CCDC146: variants seen among roughly 807,000 people sequenced by gnomAD.
CCDC146 encodes the protein coiled-coil domain-containing protein 146.
CCDC146 carries 92 observed loss-of-function variants against 119.3 expected under a neutral mutation model. The ratio of observed to expected loss-of-function variants is 0.77; its 90% CI spans 0.65 to 0.92. CCDC146 has a LOEUF of 0.92. CCDC146 is among the 40% of genes least tolerant of loss of function. The pLI is 0.00. For missense variants in CCDC146, 1,000 were observed against 1,103.0 expected (o/e 0.91, Z 1.32); for synonymous variants, 372 against 371.8 (o/e 1.00, Z -0.01).
chr7:77,176,988 A>G (rs1469436637), intron 2 of CCDC146, among the ~76,000 whole-genome samples: 1 of 151,876 alleles, frequency 6.6e-6, no homozygotes, highest in African/African-American at 2.4e-5. Flanking sequence ...GACACATAAC[A>G]CCAGGCCTGG....
At position 77,196,933 on chromosome 7, in the gene CCDC146, T is replaced by A. The variant is rs147689299; in HGVS notation, c.156+29109T>A. 2.4e-5 allele frequency: 38 copies of A among 1,613,552 alleles called. No individual in the cohort carries two copies. The highest frequency in any genetic ancestry group is 1.6e-4 in the Middle Eastern group (1 of 6,082). On this transcript the variant is annotated intron_variant, in intron 2 of 18. Transcript: ENST00000285871. The surrounding 1 kb of genome is among the most constrained non-coding windows in gnomAD (Gnocchi z 4.2). Reference sequence around the variant, plus strand: ...GTGTAACTCTGTAGGTCTCACTGCTTCTTTTGCCTATTGCGTAGTAGTCAG... The same window carrying A: ...GTGTAACTCTGTAGGTCTCACTGCTACTTTTGCCTATTGCGTAGTAGTCAG...
At chr7:77,232,818 T>C (rs986748927) in intron 2 of CCDC146, among the ~76,000 whole-genome samples, 1 of 152,134 alleles carries the variant, frequency 6.6e-6, no homozygotes, top group Non-Finnish European at 1.5e-5. Flanking sequence ...GATCTTCACC[T>C]GGGATAGATC....
intron 2 of CCDC146, among the ~76,000 whole-genome samples, chr7:77,203,036 C>T (rs879531726): frequency 2.1e-5 from 3 of 143,324 alleles, no homozygotes; most frequent in Non-Finnish European, 4.6e-5. Flanking sequence ...TACTTGCCCC[C>T]CCCCCCCCCA....
rs113655545 is a variant in CCDC146 at position 77,261,699 on chromosome 7, G to T, written c.987-422G>T. 5.3e-5 allele frequency among the ~76,000 whole-genome samples: 8 copies of T among 151,806 alleles called. No homozygotes were observed. The East Asian group carries it at 1.5e-3, about 29-fold the overall frequency. On this transcript the variant is annotated intron_variant, in intron 8 of 18. Coordinates refer to ENST00000285871, the MANE Select transcript of CCDC146 (RefSeq NM_020879.3). ...TCACCGTGTTAGCCAGGATGGTCTC[G>T]ATCTCCTGACCTCATGATCCACCCA... is the stretch of plus-strand genomic sequence containing the variant.
chr7:77,293,259 CAACCCA>C, intron 18 of CCDC146, 59 bp downstream of exon 18: 3 of 776,618 alleles, frequency 3.9e-6, no homozygotes, highest in African/African-American at 7.0e-5. Flanking sequence ...TGCATTCAGG[CAACCCA>C]CAGTTATCCC....
At chr7:77,252,151 A>T (rs1437073727) in intron 4 of CCDC146, among the ~76,000 whole-genome samples, 2 of 152,182 alleles carry the variant, frequency 1.3e-5, no homozygotes, top group African/African-American at 4.8e-5. Flanking sequence ...TCCATCTCAA[A>T]AACAAACAAA....
chr7:77,230,304 T>G (rs1290838134), intron 2 of CCDC146, among the ~76,000 whole-genome samples: 1 of 152,210 alleles, frequency 6.6e-6, no homozygotes, highest in Non-Finnish European at 1.5e-5. Flanking sequence ...TTGAGTACAC[T>G]CTTTGCTTTT....
chr7:77,167,859 C>T (rs1315303961), intron 2 of CCDC146, 35 bp downstream of exon 2: 1 of 1,600,402 alleles, frequency 6.2e-7, no homozygotes, highest in African/African-American at 1.3e-5. Flanking sequence ...ACAGTAAAAC[C>T]CAACTCAACA....
Position 77,262,217 on chromosome 7 carries a change from T to C in CCDC146, c.1083T>C (p.Phe361=), listed in dbSNP as rs1158802540. ...AGCAAAGAGAGAAAGAACGAGATTT[T>C]CGAAATTTAAGAAAGATGGAACTGC... ...SRKQREKERD[F]RNLRKMELLL... Residue 361 remains phenylalanine (F), a synonymous_variant, in exon 9 of 19, where the codon TTT becomes TTC. Transcript: ENST00000285871. 5 of 1,614,056 alleles carry C rather than the reference T, an allele frequency of 3.1e-6. No individual in the cohort carries two copies. Among genetic ancestry groups the C allele is most frequent in the Non-Finnish European group, 4.2e-6 (5 of 1,180,000 alleles).
At chr7:77,187,938 G>C (rs1251617662) in intron 2 of CCDC146, among the ~76,000 whole-genome samples, 5 of 152,202 alleles carry the variant, frequency 3.3e-5, no homozygotes, top group Admixed American at 3.3e-4. Context: ...AACAATAGCT[G>C]AGTGTTGGCC....
intron 4 of CCDC146, chr7:77,242,457 C>G: frequency 2.2e-6 from 2 of 896,644 alleles, no homozygotes; most frequent in Non-Finnish European, 2.7e-6. Flanking sequence ...GACACATTTA[C>G]TTATCCAAAT....
chr7:77,287,097 C>T lies in CCDC146; in HGVS notation c.2277+171C>T, dbSNP rs566800827. 2.1e-4 allele frequency: 165 copies of T among 778,712 alleles called. No homozygotes were observed. The African/African-American group carries it at 2.6e-3, about 12-fold the overall frequency. 48.2% of individuals were successfully genotyped at this position (778,712 alleles called of 1,614,324 possible). A position where few individuals can be genotyped will look rare whatever the true frequency, so the allele number is the denominator to read the frequency against. On this transcript the variant is annotated intron_variant, in intron 16 of 18. Coordinates refer to ENST00000285871, the MANE Select transcript of CCDC146 (RefSeq NM_020879.3). Reference sequence around the variant, plus strand: ...ATACATTCTAAGCTTGATTTAGACACTTGCCAAAAGAAGTTCCAATCCAGT... The same window carrying T: ...ATACATTCTAAGCTTGATTTAGACATTTGCCAAAAGAAGTTCCAATCCAGT...
chr7:77,208,946 T>C (rs967864821), intron 2 of CCDC146, among the ~76,000 whole-genome samples: 4 of 152,182 alleles, frequency 2.6e-5, no homozygotes, highest in African/African-American at 9.6e-5. Flanking sequence ...GGAATCCTCC[T>C]GCCTTACCTC....
At chr7:77,168,138 T>C (rs1038137644) in intron 2 of CCDC146, among the ~76,000 whole-genome samples, 1 of 152,182 alleles carries the variant, frequency 6.6e-6, no homozygotes. Context: ...TTGCATATAC[T>C]ACATTTACTT....
At chr7:77,211,429 G>A (rs752320750) in intron 2 of CCDC146, among the ~76,000 whole-genome samples, 12 of 152,000 alleles carry the variant, frequency 7.9e-5, no homozygotes, top group Non-Finnish European at 1.5e-4. Flanking sequence ...TCCTCTATCT[G>A]TTGTATTTCC....
Position 77,240,998 on chromosome 7 carries a change from G to T in CCDC146, c.240-693G>T, listed in dbSNP as rs200314389. On this transcript the variant is annotated intron_variant, in intron 3 of 18. Coordinates refer to ENST00000285871, the MANE Select transcript of CCDC146 (RefSeq NM_020879.3). ...TTTTTTTTTGTTTGTTTGTTTGTTTGTTTTTTTGGGTTTTTTTTTTTTGAG... is the reference window on the plus strand; with the variant it reads ...TTTTTTTTTGTTTGTTTGTTTGTTTTTTTTTTTGGGTTTTTTTTTTTTGAG... 1.1e-3 allele frequency among the ~76,000 whole-genome samples: 135 copies of T among 119,116 alleles called. 1 individual carries two copies. Among genetic ancestry groups the T allele is most frequent in the African/African-American group, 3.1e-3 (95 of 30,292 alleles). The allele number at this position is 119,116 out of a possible 152,430, so 78.1% of individuals were successfully genotyped here. A position where few individuals can be genotyped will look rare whatever the true frequency, so the allele number is the denominator to read the frequency against.
chr7:77,200,135 A>G (rs1453168014), intron 2 of CCDC146, among the ~76,000 whole-genome samples: 1 of 152,244 alleles, frequency 6.6e-6, no homozygotes, highest in African/African-American at 2.4e-5. Flanking sequence ...AATTATACGT[A>G]ACTTCACTGG....
chr7:77,126,480 A>C (rs1362741356), intron 1 of CCDC146, among the ~76,000 whole-genome samples: 2 of 152,016 alleles, frequency 1.3e-5, no homozygotes, highest in Non-Finnish European at 2.9e-5. Context: ...GGAGACCCAC[A>C]GTGGGTAGCT....
chr7:77,142,245 G>A (rs1790944104), intron 1 of CCDC146, among the ~76,000 whole-genome samples: 1 of 152,056 alleles, frequency 6.6e-6, no homozygotes, highest in East Asian at 1.9e-4. Flanking sequence ...AGAAAGAAAG[G>A]GTATTCAAAT....
Sources: allele counts gnomAD v4.1 joint callset (sites outside exome capture counted in the v4.1 genomes callset), GRCh38; gene constraint gnomAD v4.1.1; non-coding constraint Gnocchi (gnomAD v3.1); transcripts MANE v1.5; gene names NCBI Gene and HGNC (gene_info 2026-07-23, HGNC 2026-07-21).